WDR37: variants seen among roughly 807,000 people sequenced by gnomAD.
WDR37 encodes the protein WD repeat-containing protein 37.
A neutral mutation model predicts 62.9 loss-of-function variants in WDR37; 19 were observed. The ratio of observed to expected loss-of-function variants is 0.30; its 90% CI spans 0.21 to 0.44. The LOEUF (loss-of-function observed/expected upper bound fraction) is 0.44. Among genes scored for constraint, WDR37 ranks in the 20% least tolerant of loss-of-function variants. WDR37 has a pLI of 1.00. For missense variants in WDR37, 474 were observed against 657.6 expected, an observed-to-expected ratio of 0.72 and a Z score of 3.05; for synonymous variants, 250 against 260.9, an observed-to-expected ratio of 0.96 and a Z score of 0.40.
At chr10:1,099,891 CGTGGTGGA>C (rs1265365608) in intron 9 of WDR37, among the ~76,000 whole-genome samples, 4 of 129,790 alleles carry the variant, frequency 3.1e-5, no homozygotes, top group East Asian at 2.4e-4. Flanking sequence ...TGATGGCGGG[CGTGGTGGA>C]GTGGTGGAGA....
chr10:1,125,511 A>G (rs1298544349), intron 13 of WDR37, among the ~76,000 whole-genome samples: 1 of 152,206 alleles, frequency 6.6e-6, no homozygotes, highest in Non-Finnish European at 1.5e-5. Context: ...TGCCCAGCCC[A>G]GTGTTCTTAA....
chr10:1,059,690 C>T (rs796563055), intron 1 of WDR37, among the ~76,000 whole-genome samples: 8 of 151,932 alleles, frequency 5.3e-5, no homozygotes, highest in African/African-American at 1.9e-4. Context: ...CCCAACTACT[C>T]AGGAGGCTGA....
rs1039400474 is a variant in WDR37, at chr10:1,105,950, T to C, written c.1103+683T>C. Among the ~76,000 whole-genome samples, 2 of 152,040 alleles carry C rather than the reference T, an allele frequency of 1.3e-5. No homozygotes were observed. The highest frequency in any genetic ancestry group is 2.9e-5 in the Non-Finnish European group (2 of 68,006). ...AGAGGCACCTGCCACCACGCCTGGC[T>C]AGTTTTTTGTATTTTTAGTAGAGAT... is the stretch of plus-strand genomic sequence containing the variant. On this transcript the variant is annotated intron_variant, in intron 11 of 13. Transcript: ENST00000263150. This position sits in a 1 kb window ranked among gnomAD's most constrained non-coding sequence, Gnocchi z 5.3.
chr10:1,074,329 C>T (rs1248364649), intron 2 of WDR37: 1 of 1,219,934 alleles, frequency 8.2e-7, no homozygotes, highest in Non-Finnish European at 1.1e-6. Context: ...TCCTTTGTGA[C>T]ACAGCAGAGG....
intron 9 of WDR37, among the ~76,000 whole-genome samples, chr10:1,098,000 C>G (rs1489220079): frequency 6.6e-6 from 1 of 152,116 alleles, no homozygotes; most frequent in Non-Finnish European, 1.5e-5. Flanking sequence ...AGCGCTGATG[C>G]TGGAATAAGA....
At chr10:1,115,030 G>GTTTTTTTTT (rs199799863) in intron 11 of WDR37, among the ~76,000 whole-genome samples, 1 of 142,544 alleles carries the variant, frequency 7.0e-6, no homozygotes, top group Non-Finnish European at 1.5e-5. Context: ...TCCCTTTTTT[G>GTTTTTTTTT]TTTTTTTTTT....
At chr10:1,102,542 C>T (rs544003117) in intron 9 of WDR37, among the ~76,000 whole-genome samples, 5 of 149,716 alleles carry the variant, frequency 3.3e-5, no homozygotes, top group East Asian at 2.0e-4. Context: ...CAGCAGAAGG[C>T]GAAGCGGGAG....
At chr10:1,081,103 T>C (rs1259761669) in intron 5 of WDR37, among the ~76,000 whole-genome samples, 1 of 152,224 alleles carries the variant, frequency 6.6e-6, no homozygotes. Flanking sequence ...GTGAAAATTA[T>C]GTTCTGAGCT....
intron 7 of WDR37, among the ~76,000 whole-genome samples, chr10:1,089,868 G>C (rs561810417): frequency 9.5e-4 from 144 of 152,366 alleles, no homozygotes; most frequent in African/African-American, 3.3e-3. Context: ...TTAGAGAGGT[G>C]TCAGAGAGGG....
At chr10:1,125,108 G>A in intron 13 of WDR37, 84 bp downstream of exon 13, 1 of 1,517,776 alleles carries the variant, frequency 6.6e-7, no homozygotes. Context: ...TTCTTACTAA[G>A]TCTTTGCATG....
intron 13 of WDR37, among the ~76,000 whole-genome samples, chr10:1,126,471 G>GC (rs1010808621): frequency 2.0e-5 from 3 of 152,176 alleles, no homozygotes; most frequent in Admixed American, 6.5e-5. Flanking sequence ...CGTAATGGAG[G>GC]CCCCCCCAGA....
chr10:1,118,597 A>G (rs1483611111), intron 11 of WDR37, among the ~76,000 whole-genome samples: 3 of 152,252 alleles, frequency 2.0e-5, no homozygotes, highest in Admixed American at 2.0e-4. Flanking sequence ...CCCTGCAGGC[A>G]TCTGAGCTGC....
chr10:1,124,504 T>TG, intron 12 of WDR37, 152 bp downstream of exon 12: 2 of 1,197,128 alleles, frequency 1.7e-6, no homozygotes, highest in Non-Finnish European at 2.3e-6. Context: ...CAGTATTCCA[T>TG]GAAAACTTAA....
At chr10:1,074,582 C>T in intron 2 of WDR37, 5 of 1,240,308 alleles carry the variant, frequency 4.0e-6, no homozygotes, top group South Asian at 3.8e-5. Context: ...CCGTGAGGTG[C>T]TCTGCCTTCC....
intron 3 of WDR37, among the ~76,000 whole-genome samples, chr10:1,078,809 C>A (rs1480612796): frequency 6.6e-6 from 1 of 152,142 alleles, no homozygotes; most frequent in Non-Finnish European, 1.5e-5. Context: ...GCCACCACAC[C>A]CAAACTATAA....
chr10:1,106,662 G>A (rs1001271113), intron 11 of WDR37, among the ~76,000 whole-genome samples: 17 of 151,958 alleles, frequency 1.1e-4, no homozygotes, highest in Non-Finnish European at 1.0e-4. Context: ...GATTACAGGC[G>A]CCCACCACCA....
intron 11 of WDR37, among the ~76,000 whole-genome samples, chr10:1,111,651 G>A (rs933899997): frequency 1.3e-5 from 2 of 152,150 alleles, no homozygotes; most frequent in Non-Finnish European, 2.9e-5. Flanking sequence ...ACTCTGTGTT[G>A]TGGCATCTCT....
rs1453123042 is a variant in WDR37, at chr10:1,105,038, G to A, written c.962-88G>A. The A allele has an allele frequency of 5.3e-6, 8 of 1,517,854 alleles. No homozygotes were observed. Among genetic ancestry groups the A allele is most frequent in the South Asian group, 2.5e-5 (2 of 80,210 alleles). The allele number at this position is 1,517,854 out of a possible 1,614,324, so 94.0% of individuals were successfully genotyped here. A position where few individuals can be genotyped will look rare whatever the true frequency, so the allele number is the denominator to read the frequency against. ...GTCAGGTTCACAGTCTCAGAGAGAC[G>A]GCTTCTTGGGTTCTTGTGCTGTTGA... On this transcript the variant is annotated intron_variant, in intron 10 of 13. Transcript: ENST00000263150. This position sits in a 1 kb window ranked among gnomAD's most constrained non-coding sequence, Gnocchi z 5.3.
rs544038899 is a variant in WDR37 at position 1,116,229 on chromosome 10, G to A, written c.1104-7989G>A. Reference sequence around the variant, plus strand: ...CTCTGCCCTGTCCATCAGTCCTCCCGTCATCCCCCCTGCCCTGGGTCATCT... The same window carrying A: ...CTCTGCCCTGTCCATCAGTCCTCCCATCATCCCCCCTGCCCTGGGTCATCT... On this transcript the variant is annotated intron_variant, in intron 11 of 13. Transcript: ENST00000263150. Among the ~76,000 whole-genome samples the A allele has an allele frequency of 2.7e-3, 403 of 150,478 alleles. 3 individuals carry two copies. The highest frequency in any genetic ancestry group is 9.2e-3 in the African/African-American group (375 of 40,804).
Sources: gnomAD v4.1 joint callset for allele counts (sites outside exome capture counted in the v4.1 genomes callset) on GRCh38, gnomAD v4.1.1 for gene constraint, Gnocchi (gnomAD v3.1) non-coding constraint, MANE v1.5 for transcripts, NCBI Gene and HGNC (gene_info 2026-07-23, HGNC 2026-07-21) for gene names.